Variants in RNF115 observed in about 807,000 individuals in gnomAD.
RNF115 encodes the protein E3 ubiquitin-protein ligase RNF115.
In RNF115, 31 loss-of-function variants were observed where a neutral mutation model predicts 39.2. That is an observed-to-expected ratio of 0.79 (90% CI 0.59 to 1.07). The LOEUF is 1.07. Among genes scored for constraint, RNF115 ranks in the 50% least tolerant of loss-of-function variants. The pLI, the probability that RNF115 is intolerant of heterozygous loss-of-function variation, is 0.00. For missense variants in RNF115, 384 were observed against 381.7 expected (o/e 1.01, Z -0.05); for synonymous variants, 124 against 131.0 (o/e 0.95, Z 0.37).
intron 1 of RNF115, among the ~76,000 whole-genome samples, chr1:145,805,791 T>C (rs1244547057): frequency 1.3e-5 from 2 of 152,132 alleles, no homozygotes; most frequent in African/African-American, 4.8e-5. Context: ...AACTATCTCA[T>C]TTTACAGACA....
chr1:145,761,698 T>A (rs1658513134), intron 4 of RNF115, among the ~76,000 whole-genome samples: 1 of 152,150 alleles, frequency 6.6e-6, no homozygotes, highest in Non-Finnish European at 1.5e-5. Flanking sequence ...GGAAGGAAAA[T>A]GTGGGGTGGG....
At chr1:145,767,559 C>T (rs1553715167) in intron 4 of RNF115, among the ~76,000 whole-genome samples, 1 of 152,234 alleles carries the variant, frequency 6.6e-6, no homozygotes, top group Non-Finnish European at 1.5e-5. Flanking sequence ...CTCCTCACTT[C>T]CCAGAAGGGG....
Position 145,809,643 on chromosome 1 carries a change from C to T in RNF115, c.102+14129G>A, listed in dbSNP as rs373741194. On this transcript the variant is annotated intron_variant, in intron 1 of 8. Transcript: ENST00000582693. ...CCGAGTAGCTGGGATTACAGGCATG[C>T]GCCACCATACCTGGCTAATTTTGTA... Among the ~76,000 whole-genome samples the T allele has an allele frequency of 1.2e-4, 12 of 101,086 alleles. No homozygotes were observed. The East Asian group carries it at 2.3e-3, about 19-fold the overall frequency. The allele number at this position is 101,086 out of a possible 152,430, so 66.3% of individuals were successfully genotyped here.
chr1:145,780,618 TAAAA>T (rs1205816224), intron 3 of RNF115, among the ~76,000 whole-genome samples: 6 of 64,526 alleles, frequency 9.3e-5, no homozygotes, highest in South Asian at 4.4e-4. Flanking sequence ...AGACTCCGTC[TAAAA>T]AAAAAAAAAA....
chr1:145,772,872 T>A (rs1436808209), intron 3 of RNF115: 1 of 152,214 alleles, frequency 6.6e-6, no homozygotes, highest in Non-Finnish European at 1.5e-5. Context: ...ACACATCTCC[T>A]GGACTCTGTT....
chr1:145,812,722 C>A (rs868971780), intron 1 of RNF115, among the ~76,000 whole-genome samples: 2 of 151,584 alleles, frequency 1.3e-5, no homozygotes. Flanking sequence ...CACCAACAGT[C>A]TACTTATCAT....
At chr1:145,783,232 G>A (rs1296122049) in intron 3 of RNF115, among the ~76,000 whole-genome samples, 4 of 152,076 alleles carry the variant, frequency 2.6e-5, no homozygotes, top group Non-Finnish European at 4.4e-5. Context: ...TTCAAAACAC[G>A]ATCTGTCTGG....
rs1487976311 is a variant in RNF115, at chr1:145,816,123, G to A, written c.102+7649C>T. Among the ~76,000 whole-genome samples, 6 of 31,036 alleles carry A rather than the reference G, an allele frequency of 1.9e-4. 2 individuals are homozygous for A. The highest frequency in any genetic ancestry group is 2.9e-4 in the Non-Finnish European group (6 of 20,372). 20.4% of individuals were successfully genotyped at this position (31,036 alleles called of 152,430 possible). ...GCTCTTTTTGCGAGTGCAATGGCAC[G>A]ATCTCAGCTCACTGCAAGCTCCGCC... is the stretch of plus-strand genomic sequence containing the variant. On this transcript the variant is annotated intron_variant, in intron 1 of 8. Transcript: ENST00000582693.
In RNF115 at chr1:145,739,197, T is replaced by C. The variant is rs1346822312; in HGVS notation, c.*7669A>G. ...TCTCCTAAATCCACAAACTCTCTTC[T>C]TTCTCTTTGGACAGATGACCTCTTG... On this transcript the variant is annotated 3_prime_UTR_variant, in exon 9 of 9. Coordinates refer to ENST00000582693, the MANE Select transcript of RNF115 (RefSeq NM_014455.4). The C allele has an allele frequency of 6.6e-6, 1 of 152,248 alleles. No homozygotes were observed. The highest frequency in any genetic ancestry group is 2.4e-5 in the African/African-American group (1 of 41,454). 9.4% of individuals were successfully genotyped at this position (152,248 alleles called of 1,614,324 possible).
At position 145,739,030 on chromosome 1, in the gene RNF115, C is replaced by G. The variant is rs909830579; in HGVS notation, c.*7836G>C. The G allele has an allele frequency of 1.3e-5, 2 of 153,648 alleles. No homozygotes were observed. Among genetic ancestry groups the G allele is most frequent in the Admixed American group, 1.3e-4 (2 of 15,298 alleles). 9.5% of individuals were successfully genotyped at this position (153,648 alleles called of 1,614,324 possible). A position where few individuals can be genotyped will look rare whatever the true frequency, so the allele number is the denominator to read the frequency against. On this transcript the variant is annotated 3_prime_UTR_variant, in exon 9 of 9. Coordinates refer to ENST00000582693, the MANE Select transcript of RNF115 (RefSeq NM_014455.4). ...AACATTCAACAACATCCATACAGCA[C>G]TGCTGGAGGAAGAGGAAGATTTGTG... is the stretch of plus-strand genomic sequence containing the variant.
intron 4 of RNF115, among the ~76,000 whole-genome samples, chr1:145,753,291 G>C (rs1381360984): frequency 6.6e-6 from 1 of 152,148 alleles, no homozygotes; most frequent in Non-Finnish European, 1.5e-5. Context: ...AAGCTGGAAA[G>C]GGATCTGATG....
chr1:145,751,430 C>T lies in RNF115; in HGVS notation c.573+8G>A, dbSNP rs587684569. The T allele has an allele frequency of 2.2e-5, 35 of 1,569,964 alleles. No homozygotes were observed. In the South Asian group the frequency reaches 3.9e-4, roughly 17 times the overall value. On this transcript the variant is annotated splice_region_variant and intron_variant, in intron 6 of 8. Transcript: ENST00000582693. Reference sequence around the variant, plus strand: ...CTGAACAGACACCCTCAAAAGGCAGCTCCTCACCTGGGTTACAATGGCATC... The same window carrying T: ...CTGAACAGACACCCTCAAAAGGCAGTTCCTCACCTGGGTTACAATGGCATC...
At chr1:145,811,207 C>T (rs1326601922) in intron 1 of RNF115, among the ~76,000 whole-genome samples, 1 of 151,954 alleles carries the variant, frequency 6.6e-6, no homozygotes, top group African/African-American at 2.4e-5. Context: ...AGAAAAGCAA[C>T]TGCTGAATAA....
intron 4 of RNF115, among the ~76,000 whole-genome samples, chr1:145,757,679 T>G (rs1553713381): frequency 6.6e-6 from 1 of 152,214 alleles, no homozygotes; most frequent in African/African-American, 2.4e-5. Flanking sequence ...CTTCTGACAT[T>G]TGTCTAGACA....
intron 4 of RNF115, among the ~76,000 whole-genome samples, chr1:145,758,864 G>A (rs942538261): frequency 5.3e-5 from 8 of 152,186 alleles, no homozygotes; most frequent in African/African-American, 1.7e-4. Context: ...GAGAACAATA[G>A]TTGACAGAGT....
At chr1:145,767,810 T>C (rs1201695932) in intron 4 of RNF115, among the ~76,000 whole-genome samples, 2 of 152,164 alleles carry the variant, frequency 1.3e-5, no homozygotes, top group Non-Finnish European at 2.9e-5. Context: ...GTCTCCACCA[T>C]AAAAATACGA....
At chr1:145,798,253 A>G (rs1649074078) in intron 1 of RNF115, among the ~76,000 whole-genome samples, 1 of 152,144 alleles carries the variant, frequency 6.6e-6, no homozygotes, top group South Asian at 2.1e-4. Flanking sequence ...CTAAGTTTTA[A>G]GTTATAAGCC....
chr1:145,740,155 T>C lies in RNF115; in HGVS notation c.*6711A>G, dbSNP rs185549840. 6.6e-6 allele frequency: 1 copy of C among 152,364 alleles called. No individual in the cohort carries two copies. The highest frequency in any genetic ancestry group is 1.5e-5 in the Non-Finnish European group (1 of 68,038). The allele number at this position is 152,364 out of a possible 1,614,324, so 9.4% of individuals were successfully genotyped here. A position where few individuals can be genotyped will look rare whatever the true frequency, so the allele number is the denominator to read the frequency against. On this transcript the variant is annotated 3_prime_UTR_variant, in exon 9 of 9. Transcript: ENST00000582693. ...GTAGAGATGTCTTTTGTTTTTACTA[T>C]TCAAATAATCTTCTGGAGCTACTCA...
chr1:145,811,932 T>TATACAC (rs1465945929), intron 1 of RNF115, among the ~76,000 whole-genome samples: 130 of 74,562 alleles, frequency 1.7e-3, no homozygotes, highest in African/African-American at 2.9e-3. Context: ...TATATATATA[T>TATACAC]ACACACACAC....
Sources: gnomAD v4.1 joint callset for allele counts (sites outside exome capture counted in the v4.1 genomes callset) on GRCh38, gnomAD v4.1.1 for gene constraint, MANE v1.5 for transcripts, NCBI Gene and HGNC (gene_info 2026-07-23, HGNC 2026-07-21) for gene names.